TTC23L: variants seen among roughly 807,000 people sequenced by gnomAD.
TTC23L encodes the protein tetratricopeptide repeat domain 23 like.
A neutral mutation model predicts 48.1 loss-of-function variants in TTC23L; 42 were observed. That is an observed-to-expected ratio of 0.87 (90% CI 0.68 to 1.13). The LOEUF is 1.13. Among genes scored for constraint, TTC23L ranks in the 50% most tolerant of loss-of-function variants. TTC23L has a pLI of 0.00. For synonymous variants in TTC23L, 159 were observed against 157.2 expected, an observed-to-expected ratio of 1.01 and a Z score of -0.09; for missense variants, 391 against 421.0, an observed-to-expected ratio of 0.93 and a Z score of 0.62.
intron 10 of TTC23L, among the ~76,000 whole-genome samples, chr5:34,899,189 T>A (rs1247086844): frequency 6.6e-6 from 1 of 152,128 alleles, no homozygotes; most frequent in Non-Finnish European, 1.5e-5. Context: ...AGTAAGATTT[T>A]AGAGGCCTAT....
At chr5:34,884,867 G>T (rs1454820445) in intron 9 of TTC23L, among the ~76,000 whole-genome samples, 2 of 152,202 alleles carry the variant, frequency 1.3e-5, no homozygotes, top group Non-Finnish European at 2.9e-5. Flanking sequence ...CTGGAAAGCA[G>T]CAATTGACAT....
the TTC23L span, chr5:34,909,015 A>C: frequency 7.4e-7 from 1 of 1,352,208 alleles, no homozygotes; most frequent in Non-Finnish European, 1.0e-6. Flanking sequence ...TCCCAAGTAA[A>C]GGATAAAAAG....
rs955052153 is a variant in TTC23L at position 34,863,765 on chromosome 5, C to T, written c.537-672C>T. Among the ~76,000 whole-genome samples, 3 of 152,164 alleles carry T rather than the reference C, an allele frequency of 2.0e-5. No individual in the cohort carries two copies. Among genetic ancestry groups the T allele is most frequent in the Non-Finnish European group, 4.4e-5 (3 of 68,040 alleles). ...GGATTCTGACAGCCTGTTGTACCAT[C>T]TCCACTGGAAAGATGTTAAGGGCAT... On this transcript the variant is annotated intron_variant, in intron 5 of 10. Transcript: ENST00000505624. This position sits in a 1 kb window ranked among gnomAD's most constrained non-coding sequence, Gnocchi z 4.1.
chr5:34,909,300 T>TC, the TTC23L span: 1 of 1,611,638 alleles, frequency 6.2e-7, no homozygotes, highest in South Asian at 1.1e-5. Context: ...TTCCATCAAA[T>TC]CAGAATCTTT....
At chr5:34,918,352 C>G in the TTC23L span, 7 of 1,298,982 alleles carry the variant, frequency 5.4e-6, no homozygotes, top group African/African-American at 8.9e-5. Context: ...TTAACATTTT[C>G]TTTTTCTTTA....
intron 4 of TTC23L, among the ~76,000 whole-genome samples, chr5:34,857,728 C>T (rs568505047): frequency 6.6e-6 from 1 of 151,982 alleles, no homozygotes; most frequent in Non-Finnish European, 1.5e-5. Flanking sequence ...TAAATTAATC[C>T]TTGCGACAAC....
intron 1 of TTC23L, 149 bp downstream of exon 1, chr5:34,839,408 G>A (rs1019208707): frequency 1.3e-5 from 2 of 154,454 alleles, no homozygotes; most frequent in Non-Finnish European, 2.9e-5. Context: ...CTCCGCGGCA[G>A]AGAGGCTCTC....
At chr5:34,850,300 C>G in exon 4 of TTC23L, 1 of 1,613,672 alleles carries the variant, frequency 6.2e-7, no homozygotes, top group Non-Finnish European at 8.5e-7. Flanking sequence ...GGCTACTTGA[C>G]ACTGAGAGGT....
At chr5:34,908,877 T>G in the TTC23L span, 1 of 1,613,236 alleles carries the variant, frequency 6.2e-7, no homozygotes, top group Non-Finnish European at 8.5e-7. Context: ...GCCTCTGTTA[T>G]CTGTCCGAAT....
the TTC23L span, chr5:34,906,843 AT>A: frequency 1.3e-5 from 2 of 152,242 alleles, no homozygotes; most frequent in Non-Finnish European, 2.9e-5. Flanking sequence ...GCTATTTCAC[AT>A]TTAACAGTCC....
the TTC23L span, chr5:34,925,435 A>G: frequency 1.2e-6 from 2 of 1,613,960 alleles, no homozygotes. Context: ...CAAGAAAGAA[A>G]CGGATTTACA....
chr5:34,908,990 A>C, the TTC23L span: 2 of 1,500,448 alleles, frequency 1.3e-6, no homozygotes, highest in Admixed American at 4.1e-5. Flanking sequence ...CAACACAGTG[A>C]ACACTGCTCA....
At chr5:34,890,205 G>A (rs1313887087) in intron 9 of TTC23L, among the ~76,000 whole-genome samples, 1 of 151,962 alleles carries the variant, frequency 6.6e-6, no homozygotes, top group African/African-American at 2.4e-5. Flanking sequence ...AGCACTTTGG[G>A]AGGCTGAGGC....
chr5:34,883,730 T>C (rs1182019011), intron 9 of TTC23L, among the ~76,000 whole-genome samples: 4 of 152,118 alleles, frequency 2.6e-5, no homozygotes, highest in South Asian at 2.1e-4. Flanking sequence ...CATGAAGAAA[T>C]AGAAAATCTA....
the TTC23L span, chr5:34,911,964 C>T: frequency 1.1e-6 from 1 of 913,132 alleles, no homozygotes; most frequent in South Asian, 1.7e-5. Context: ...GACATCTTCC[C>T]TGATGACAGT....
At chr5:34,889,261 G>A (rs922684025) in intron 9 of TTC23L, among the ~76,000 whole-genome samples, 1 of 152,104 alleles carries the variant, frequency 6.6e-6, no homozygotes, top group Non-Finnish European at 1.5e-5. Context: ...TTAACAGAAG[G>A]GAGCTTGATG....
At position 34,854,445 on chromosome 5, in the gene TTC23L, TC is replaced by T. The variant is rs973999584; in HGVS notation, c.379+4138del. On this transcript the variant is annotated intron_variant, in intron 4 of 10. Transcript: ENST00000505624. ...AAGCTTTTATTTCAGTTTCTTCACTTCAGCTTTTTTAGTGTCTGGTCCATGG... is the reference window on the plus strand; with the variant it reads ...AAGCTTTTATTTCAGTTTCTTCACTTAGCTTTTTTAGTGTCTGGTCCATGG... 5.6e-4 allele frequency among the ~76,000 whole-genome samples: 86 copies of T among 152,234 alleles called. 2 individuals carry two copies. The highest frequency in any genetic ancestry group is 7.2e-4 in the Admixed American group (11 of 15,280).
At chr5:34,913,457 G>A in the TTC23L span, 29 of 1,462,386 alleles carry the variant, frequency 2.0e-5, no homozygotes, top group Admixed American at 5.8e-4. Context: ...TCTTTATACT[G>A]ATCATAGTTT....
chr5:34,919,942 C>T, the TTC23L span: 1 of 644,732 alleles, frequency 1.6e-6, no homozygotes. Context: ...TGGCTTATTT[C>T]AAAACTAAGT....
Sources: allele counts gnomAD v4.1 joint callset (sites outside exome capture counted in the v4.1 genomes callset), GRCh38; gene constraint gnomAD v4.1.1; non-coding constraint Gnocchi (gnomAD v3.1); transcripts MANE v1.5; gene names NCBI Gene and HGNC (gene_info 2026-07-23, HGNC 2026-07-21).